E2F7: variants seen among roughly 807,000 people sequenced by gnomAD.
E2F7 encodes transcription factor E2F7.
E2F7 carries 35 observed loss-of-function variants against 81.1 expected under a neutral mutation model. That is an observed-to-expected ratio of 0.43 (90% CI 0.33 to 0.57). The LOEUF (loss-of-function observed/expected upper bound fraction) is 0.57. E2F7 is among the 20% of genes least tolerant of loss of function. The probability of loss-of-function intolerance (pLI) is 0.04; values close to 1 mark genes in which losing one functional copy is unlikely to be tolerated. For synonymous variants in E2F7, 416 were observed against 416.2 expected (o/e 1.00, Z 0.01); for missense variants, 961 against 1,093.7 (o/e 0.88, Z 1.71).
intron 4 of E2F7, among the ~76,000 whole-genome samples, chr12:77,047,157 C>T (rs1013939445): frequency 1.3e-5 from 2 of 152,194 alleles, no homozygotes; most frequent in Non-Finnish European, 2.9e-5. Context: ...ATAAACTGTC[C>T]ATTAAACCTA....
Position 77,046,282 on chromosome 12 carries a change from C to T in E2F7, c.585G>A (p.Ser195=), listed in dbSNP as rs765434130. The change falls in exon 5 of 13, where the codon TCG becomes TCA. Residue 195 remains serine (S), a synonymous_variant. Transcript: ENST00000322886. ...TAGCCACCCGGCTGACCAGATGCAG[C>T]GACTCCAGCACATTTACAATGTCAT... ...RIYDIVNVLE[S]LHLVSRVAKN... 21 of 1,614,020 alleles carry T rather than the reference C, an allele frequency of 1.3e-5. No homozygotes were observed. The highest frequency in any genetic ancestry group is 4.5e-5 in the East Asian group (2 of 44,892).
At chr12:77,030,990 T>C (rs1170501848) in intron 9 of E2F7, among the ~76,000 whole-genome samples, 1 of 152,228 alleles carries the variant, frequency 6.6e-6, no homozygotes, top group Non-Finnish European at 1.5e-5. Flanking sequence ...ATCTTCTAAA[T>C]TATTATTTTC....
chr12:77,042,328 G>C (rs1427709672), intron 7 of E2F7, among the ~76,000 whole-genome samples: 1 of 152,186 alleles, frequency 6.6e-6, no homozygotes, highest in Non-Finnish European at 1.5e-5. Context: ...GAGGTGGAGA[G>C]CTATATATTT....
At chr12:77,035,337 C>T (rs1954839916) in intron 7 of E2F7, among the ~76,000 whole-genome samples, 1 of 152,142 alleles carries the variant, frequency 6.6e-6, no homozygotes, top group Admixed American at 6.5e-5. Context: ...CAGTGGAGTA[C>T]AGATGCATGT....
chr12:77,044,552 T>TA, intron 6 of E2F7, 85 bp downstream of exon 6: 2 of 1,498,172 alleles, frequency 1.3e-6, no homozygotes, highest in Non-Finnish European at 1.8e-6. Context: ...AATATATATA[T>TA]TTTTAATCTT....
At chr12:77,062,888 A>T (rs201820187) in intron 2 of E2F7, among the ~76,000 whole-genome samples, 21 of 98,896 alleles carry the variant, frequency 2.1e-4, no homozygotes, top group Non-Finnish European at 2.8e-4. Context: ...TTAGATAATT[A>T]AAAAAAAAAA....
rs955182876 is a variant in E2F7, at chr12:77,046,089, C to T, written c.778G>A (p.Asp260Asn). 6.2e-7 allele frequency: 1 copy of T among 1,614,202 alleles called. No individual in the cohort carries two copies. The highest frequency in any genetic ancestry group is 1.1e-5 in the South Asian group (1 of 91,084). ...FGERKKDGDPDSQEQQLLDFS... is the reference protein window; with the variant it reads ...FGERKKDGDPNSQEQQLLDFS... ...TCCAGTAACTGTTGTTCCTGGGAATCTGGATCACCATCTTTTTTACGTTCT... is the reference window on the plus strand; with the variant it reads ...TCCAGTAACTGTTGTTCCTGGGAATTTGGATCACCATCTTTTTTACGTTCT... The change falls in exon 5 of 13, where the codon GAT becomes AAT. Residue 260 changes from aspartate (D) to asparagine (N), a missense_variant. By Grantham distance (23) the Asp-to-Asn change is conservative. Coordinates refer to ENST00000322886, the MANE Select transcript of E2F7 (RefSeq NM_203394.3).
intron 7 of E2F7, among the ~76,000 whole-genome samples, chr12:77,039,156 TG>T (rs2120675111): frequency 6.6e-6 from 1 of 152,338 alleles, no homozygotes; most frequent in South Asian, 2.1e-4. Context: ...CTGGTACAAC[TG>T]GATATCCATA....
chr12:77,057,051 T>C (rs1364080037), intron 2 of E2F7, among the ~76,000 whole-genome samples: 1 of 151,814 alleles, frequency 6.6e-6, no homozygotes, highest in Non-Finnish European at 1.5e-5. Context: ...TACACCCAAA[T>C]ACTTATATTT....
rs149049992 is a variant in E2F7 at position 77,024,141 on chromosome 12, A to G, written c.2610T>C (p.Arg870=). The G allele has an allele frequency of 1.2e-6, 2 of 1,613,282 alleles. No individual in the cohort carries two copies. Among genetic ancestry groups the G allele is most frequent in the African/African-American group, 2.7e-5 (2 of 74,668 alleles). ...TGCCGGGTGTCTTGAAAAACGTCTC[A>G]CGATGTGTGCGTTGGATGCTCTTGG... ...VTPKSIQRTH[R]ETFFKTPGSL... The change falls in exon 13 of 13, where the codon CGT becomes CGC. Residue 870 remains arginine (R), a synonymous_variant. Coordinates refer to ENST00000322886, the MANE Select transcript of E2F7 (RefSeq NM_203394.3).
rs562589949 is a variant in E2F7, at chr12:77,046,398, C to T, written c.539-70G>A. 76 of 1,518,608 alleles carry T rather than the reference C, an allele frequency of 5.0e-5. No homozygotes were observed. The South Asian group carries it at 9.5e-4, about 19-fold the overall frequency. The allele number at this position is 1,518,608 out of a possible 1,614,324, so 94.1% of individuals were successfully genotyped here. A position where few individuals can be genotyped will look rare whatever the true frequency, so the allele number is the denominator to read the frequency against. On this transcript the variant is annotated intron_variant, in intron 4 of 12. Coordinates refer to ENST00000322886, the MANE Select transcript of E2F7 (RefSeq NM_203394.3). Reference sequence around the variant, plus strand: ...TTTTGAAGAGAAGTTCCTTGAGGGCCTGGACTATATCTGTGAACTACTTTG... The same window carrying T: ...TTTTGAAGAGAAGTTCCTTGAGGGCTTGGACTATATCTGTGAACTACTTTG...
At chr12:77,025,236 TA>T (rs1286075702) in intron 12 of E2F7, among the ~76,000 whole-genome samples, 2 of 152,144 alleles carry the variant, frequency 1.3e-5, no homozygotes, top group African/African-American at 4.8e-5. Context: ...CCTAGTGAAA[TA>T]AAAGCTTGAA....
intron 3 of E2F7, 102 bp from the exon 4 acceptor site, chr12:77,050,846 C>A: frequency 9.0e-7 from 1 of 1,116,674 alleles, no homozygotes; most frequent in Non-Finnish European, 1.3e-6. Flanking sequence ...ACATCTCAAT[C>A]CATACCATCC....
rs1565905776 is a variant in E2F7 at position 77,046,234 on chromosome 12, T to C, written c.633A>G (p.Gly211=). ...RVAKNQYGWH[G]RHSLPKTLRN... ...TCAGGGTTTTTGGCAGGCTGTGCCG[T>C]CCATGCCAGCCATACTGATTCTTAG... is the stretch of plus-strand genomic sequence containing the variant. The change falls in exon 5 of 13, where the codon GGA becomes GGG. Residue 211 remains glycine (G), a synonymous_variant. Transcript: ENST00000322886. 1 of 1,614,176 alleles carries C rather than the reference T, an allele frequency of 6.2e-7. No homozygotes were observed. The highest frequency in any genetic ancestry group is 2.2e-5 in the East Asian group (1 of 44,886).
chr12:77,036,820 C>T (rs1239256908), intron 7 of E2F7, among the ~76,000 whole-genome samples: 1 of 151,810 alleles, frequency 6.6e-6, no homozygotes, highest in Non-Finnish European at 1.5e-5. Flanking sequence ...CGGCTCACTG[C>T]AAGCTGCGCC....
At chr12:77,059,161 ATACTT>A (rs1193458955) in intron 2 of E2F7, among the ~76,000 whole-genome samples, 1 of 152,192 alleles carries the variant, frequency 6.6e-6, no homozygotes, top group African/African-American at 2.4e-5. Flanking sequence ...AGTTTACTGA[ATACTT>A]AAAGTAGGAG....
At position 77,054,572 on chromosome 12, in the gene E2F7, C is replaced by T. The variant is rs548539612; in HGVS notation, c.369+1283G>A. Among the ~76,000 whole-genome samples, 18 of 152,172 alleles carry T rather than the reference C, an allele frequency of 1.2e-4. No homozygotes were observed. In the South Asian group the frequency reaches 3.7e-3, roughly 32 times the overall value. ...CACCGAAATTTTAGGCATTTACTTCCTACAGGTGGTGAACCTTTCTAGTGA... is the reference window on the plus strand; with the variant it reads ...CACCGAAATTTTAGGCATTTACTTCTTACAGGTGGTGAACCTTTCTAGTGA... On this transcript the variant is annotated intron_variant, in intron 3 of 12. Transcript: ENST00000322886.
chr12:77,063,736 T>C (rs1173052393), intron 2 of E2F7, among the ~76,000 whole-genome samples: 1 of 152,220 alleles, frequency 6.6e-6, no homozygotes, highest in East Asian at 1.9e-4. Flanking sequence ...CAAAGGCTCA[T>C]ATGAGCCTGG....
At chr12:77,042,776 C>T (rs528505901) in intron 7 of E2F7, among the ~76,000 whole-genome samples, 14 of 152,150 alleles carry the variant, frequency 9.2e-5, no homozygotes, top group Non-Finnish European at 1.6e-4. Context: ...ATTTTTAATT[C>T]TCGGTCCCAA....
Sources: allele counts gnomAD v4.1 joint callset (sites outside exome capture counted in the v4.1 genomes callset), GRCh38; gene constraint gnomAD v4.1.1; transcripts MANE v1.5; gene names NCBI Gene and HGNC (gene_info 2026-07-23, HGNC 2026-07-21).